Variants in TENM2 observed in about 807,000 individuals in gnomAD.
TENM2 encodes the protein teneurin-2.
A neutral mutation model predicts 245.2 loss-of-function variants in TENM2; 52 were observed. The ratio of observed to expected loss-of-function variants is 0.21; its 90% CI spans 0.17 to 0.27. The LOEUF is 0.27. Ranked by LOEUF, TENM2 falls within the 10% of genes least tolerant of loss-of-function variation. The pLI is 1.00. For missense variants in TENM2, 3,046 were observed against 3,666.8 expected, an observed-to-expected ratio of 0.83 and a Z score of 4.37; for synonymous variants, 1,363 against 1,438.9, an observed-to-expected ratio of 0.95 and a Z score of 1.19.
intron 1 of TENM2, among the ~76,000 whole-genome samples, chr5:167,345,077 T>A (rs1425165926): frequency 6.6e-6 from 1 of 152,196 alleles, no homozygotes; most frequent in Non-Finnish European, 1.5e-5. Context: ...GAACATAAAG[T>A]CTGAAACCCT....
chr5:168,263,607 A>G (rs1258821850), downstream of TENM2: 1 of 152,664 alleles, frequency 6.6e-6, no homozygotes, highest in East Asian at 1.9e-4. Flanking sequence ...TTGAGCGCAG[A>G]GTGTAAAATT....
At chr5:167,834,531 C>T (rs1768792771) in intron 2 of TENM2, among the ~76,000 whole-genome samples, 1 of 151,716 alleles carries the variant, frequency 6.6e-6, no homozygotes. Context: ...AGGTTGTTTA[C>T]TGGTTAGTGC....
the TENM2 span, among the ~76,000 whole-genome samples, chr5:167,137,343 T>A: frequency 6.6e-6 from 1 of 152,194 alleles, no homozygotes; most frequent in African/African-American, 2.4e-5. Flanking sequence ...CTCACTTTTT[T>A]AAACTTATGA....
At chr5:167,372,315 T>G (rs186520071) in intron 1 of TENM2, among the ~76,000 whole-genome samples, 5 of 152,320 alleles carry the variant, frequency 3.3e-5, no homozygotes, top group Non-Finnish European at 5.9e-5. Flanking sequence ...AAATCTTACT[T>G]GATTCCTGAA....
At chr5:167,922,963 A>C (rs1777481118) in intron 3 of TENM2, among the ~76,000 whole-genome samples, 1 of 152,242 alleles carries the variant, frequency 6.6e-6, no homozygotes, top group Admixed American at 6.5e-5. Flanking sequence ...TGAACTTTCA[A>C]ACCTGTTTTT....
chr5:168,169,643 T>C (rs1157626348), intron 13 of TENM2, among the ~76,000 whole-genome samples: 1 of 152,252 alleles, frequency 6.6e-6, no homozygotes, highest in Non-Finnish European at 1.5e-5. Context: ...ACCTTGTCTG[T>C]GCATTTAGCA....
chr5:168,118,621 A>T (rs1279744855), intron 10 of TENM2, 135 bp downstream of exon 12: 1 of 585,658 alleles, frequency 1.7e-6, no homozygotes, highest in East Asian at 2.9e-5. Context: ...ACAACTTCAA[A>T]CTCCTTTGCT....
intron 2 of TENM2, among the ~76,000 whole-genome samples, chr5:167,776,952 G>C (rs982670611): frequency 6.6e-6 from 1 of 152,160 alleles, no homozygotes; most frequent in African/African-American, 2.4e-5. Flanking sequence ...TTTTTCAAAA[G>C]ACTGAACTTA....
intron 3 of TENM2, among the ~76,000 whole-genome samples, chr5:167,909,538 T>C (rs1776381947): frequency 6.6e-6 from 1 of 152,258 alleles, no homozygotes. Context: ...TGTGTGGTCA[T>C]TAATTCTTAT....
At chr5:167,852,917 G>C (rs1326954026) in intron 2 of TENM2, among the ~76,000 whole-genome samples, 1 of 152,084 alleles carries the variant, frequency 6.6e-6, no homozygotes, top group Non-Finnish European at 1.5e-5. Context: ...CTGTTTATTG[G>C]TATTATGATT....
intron 2 of TENM2, among the ~76,000 whole-genome samples, chr5:167,691,386 GTTC>G (rs1047876748): frequency 1.3e-5 from 2 of 152,274 alleles, no homozygotes; most frequent in East Asian, 1.9e-4. Context: ...ATTTCTTCCT[GTTC>G]TTCTGGGAAG....
At chr5:167,163,993 A>C in the TENM2 span, among the ~76,000 whole-genome samples, 4 of 152,184 alleles carry the variant, frequency 2.6e-5, no homozygotes, top group African/African-American at 9.6e-5. Context: ...CTGCAATTGC[A>C]CATCCACTGC....
At chr5:167,252,184 T>G in the TENM2 span, among the ~76,000 whole-genome samples, 1 of 152,090 alleles carries the variant, frequency 6.6e-6, no homozygotes, top group African/African-American at 2.4e-5. Flanking sequence ...ATCTCTTCTC[T>G]GGGGTTAGGG....
At chr5:166,989,252 C>CTTTTTTTT in the TENM2 span, among the ~76,000 whole-genome samples, 1 of 56,960 alleles carries the variant, frequency 1.8e-5, no homozygotes, top group African/African-American at 8.5e-5. Flanking sequence ...CCAAGCTAAT[C>CTTTTTTTT]TTTTTTTTTT....
intron 2 of TENM2, among the ~76,000 whole-genome samples, chr5:167,401,635 C>T (rs138699664): frequency 6.6e-6 from 1 of 152,186 alleles, no homozygotes; most frequent in African/African-American, 2.4e-5. Context: ...TCAGAAGTTG[C>T]ATCAGATTGT....
rs139579878 is a variant in TENM2 at position 167,436,570 on chromosome 5, C to T, written c.502+61097C>T. On this transcript the variant is annotated intron_variant, in intron 2 of 28. Coordinates refer to ENST00000518659, the Ensembl canonical transcript of TENM2. Reference sequence around the variant, plus strand: ...GAAATTTGTATAAGTAACGAGGAGCCTAATGTTAATCTCCAAGGCAACGGG... The same window carrying T: ...GAAATTTGTATAAGTAACGAGGAGCTTAATGTTAATCTCCAAGGCAACGGG... 1.7e-3 allele frequency among the ~76,000 whole-genome samples: 260 copies of T among 152,204 alleles called. 2 individuals are homozygous for T. Among genetic ancestry groups the T allele is most frequent in the African/African-American group, 5.9e-3 (243 of 41,524 alleles).
intron 7 of TENM2, 79 bp downstream of exon 9, chr5:168,062,344 C>A (rs1420750386): frequency 1.8e-6 from 2 of 1,093,424 alleles, no homozygotes; most frequent in Non-Finnish European, 2.7e-6. Flanking sequence ...TGCCACTTCA[C>A]ATCCACTACA....
the TENM2 span, among the ~76,000 whole-genome samples, chr5:167,004,022 A>C: frequency 6.6e-6 from 1 of 152,176 alleles, no homozygotes; most frequent in Non-Finnish European, 1.5e-5. Flanking sequence ...ATTGTAATTC[A>C]TTTTTAGTAT....
chr5:167,314,122 G>A (rs184598289), intron 1 of TENM2, among the ~76,000 whole-genome samples: 1,775 of 152,254 alleles, frequency 0.012, 27 homozygotes, highest in Non-Finnish European at 0.016. Flanking sequence ...GGGCATTTTG[G>A]AAAGGACTGA....
Sources: allele counts gnomAD v4.1 joint callset (sites outside exome capture counted in the v4.1 genomes callset), GRCh38; gene constraint gnomAD v4.1.1; transcripts MANE v1.5; gene names NCBI Gene and HGNC (gene_info 2026-07-23, HGNC 2026-07-21).